The following NUCB2 variants were observed in gnomAD, a reference collection of about 807,000 sequenced individuals.
The protein encoded by NUCB2 is nucleobindin 2, also known as nucleobindin-2.
Under a neutral mutation model 57.9 loss-of-function variants are expected in NUCB2, and 48 were observed. That is an observed-to-expected ratio of 0.83 (90% confidence interval 0.66 to 1.05). NUCB2 has a LOEUF of 1.05. Among genes scored for constraint, NUCB2 ranks in the 50% least tolerant of loss-of-function variants. NUCB2 has a pLI of 0.00. For missense variants in NUCB2, 442 were observed against 476.2 expected, an observed-to-expected ratio of 0.93 and a Z score of 0.67; for synonymous variants, 139 against 152.1, an observed-to-expected ratio of 0.91 and a Z score of 0.64.
At chr11:17,344,305 G>A (rs1373602321) in intron 2 of NUCB2, among the ~76,000 whole-genome samples, 1 of 152,148 alleles carries the variant, frequency 6.6e-6, no homozygotes, top group Non-Finnish European at 1.5e-5. Context: ...AGTTAATACA[G>A]GAAGAAACAT....
chr11:17,301,616 ATAT>A (rs1008969375), intron 4 of NUCB2, 125 bp from the exon 5 acceptor site: 50 of 582,220 alleles, frequency 8.6e-5, no homozygotes, highest in South Asian at 4.4e-4. Context: ...TCTTTTTATA[ATAT>A]TAAATTTATC....
At chr11:17,292,609 CT>C (rs1565385757) in intron 2 of NUCB2, among the ~76,000 whole-genome samples, 1 of 152,146 alleles carries the variant, frequency 6.6e-6, no homozygotes, top group Non-Finnish European at 1.5e-5. Flanking sequence ...AGGGACCATA[CT>C]TTTGAGAACC....
At chr11:17,337,825 G>A (rs1951937371) in intron 2 of NUCB2, among the ~76,000 whole-genome samples, 1 of 152,000 alleles carries the variant, frequency 6.6e-6, no homozygotes, top group African/African-American at 2.4e-5. Flanking sequence ...AGTAGAGACG[G>A]GGTTTCACTA....
At chr11:17,343,303 T>C (rs1591644198) in intron 2 of NUCB2, among the ~76,000 whole-genome samples, 1 of 152,116 alleles carries the variant, frequency 6.6e-6, no homozygotes, top group East Asian at 1.9e-4. Context: ...GATTTAATGG[T>C]GAGAGAGAAA....
At position 17,288,963 on chromosome 11, in the gene NUCB2, A is replaced by ATTTTT. The variant is rs1555071216; in HGVS notation, c.-1+6028_-1+6032dup. ...CACACACACACACATATATATATAT[A>ATTTTT]TTTTTTTTTTTTGAGATGGAGTTTT... is the stretch of plus-strand genomic sequence containing the variant. On this transcript the variant is annotated intron_variant, in intron 2 of 13. Transcript: ENST00000529010. Among the ~76,000 whole-genome samples the ATTTTT allele has an allele frequency of 2.3e-3, 158 of 68,078 alleles. 15 individuals are homozygous for ATTTTT. The highest frequency in any genetic ancestry group is 6.8e-3 in the African/African-American group (99 of 14,498). The allele number at this position is 68,078 out of a possible 152,430, so 44.7% of individuals were successfully genotyped here. A position where few individuals can be genotyped will look rare whatever the true frequency, so the allele number is the denominator to read the frequency against.
chr11:17,292,326 T>A (rs947093544), intron 2 of NUCB2, among the ~76,000 whole-genome samples: 1 of 152,184 alleles, frequency 6.6e-6, no homozygotes, highest in Non-Finnish European at 1.5e-5. Flanking sequence ...TTTCCCACTT[T>A]CTATTTTTTA....
At chr11:17,320,403 C>T (rs920663323) in intron 11 of NUCB2, among the ~76,000 whole-genome samples, 1 of 152,188 alleles carries the variant, frequency 6.6e-6, no homozygotes, top group Non-Finnish European at 1.5e-5. Context: ...AGTGCAGTAG[C>T]TCATGCCTGT....
intron 2 of NUCB2, among the ~76,000 whole-genome samples, chr11:17,348,322 T>G (rs1164702520): frequency 0.35 from 3,934 of 11,234 alleles, 749 homozygotes; most frequent in African/African-American, 0.39. Flanking sequence ...TTTTTGTGTT[T>G]TTTTTTTTTT....
At chr11:17,337,327 G>A (rs975618593) in intron 1 of NUCB2, 1 of 152,178 alleles carries the variant, frequency 6.6e-6, no homozygotes, top group Admixed American at 6.5e-5. Flanking sequence ...TAGTGCATAA[G>A]TTTTCATCTT....
At chr11:17,345,073 T>C (rs1275356456) in intron 2 of NUCB2, among the ~76,000 whole-genome samples, 1 of 152,242 alleles carries the variant, frequency 6.6e-6, no homozygotes, top group Non-Finnish European at 1.5e-5. Flanking sequence ...CCAATTTGTA[T>C]AGCTTTTAAT....
rs1948183281 is a variant in NUCB2, at chr11:17,309,592, G to A, written c.400G>A (p.Ala134Thr). ...TTCAGATATAGGCATGGACCACCAA[G>A]CTCTTCTAAAACAATTTGATCACCT... ...SLQDIGMDHQ[A>T]LLKQFDHLNH... is the part of the protein sequence containing the mutation. The change falls in exon 6 of 14, where the codon GCT (alanine) becomes ACT (threonine). Residue 134 changes from alanine to threonine, a missense_variant. Coordinates refer to ENST00000529010, the MANE Select transcript of NUCB2 (RefSeq NM_005013.4). 3 of 1,595,486 alleles carry A rather than the reference G, an allele frequency of 1.9e-6. No homozygotes were observed. The highest frequency in any genetic ancestry group is 2.3e-5 in the East Asian group (1 of 43,708).
chr11:17,302,974 G>A (rs368712936), intron 5 of NUCB2, among the ~76,000 whole-genome samples: 1 of 151,882 alleles, frequency 6.6e-6, no homozygotes, highest in Non-Finnish European at 1.5e-5. Flanking sequence ...TCCTGACCTC[G>A]TGATCCACCC....
chr11:17,292,784 G>A (rs1945150163), intron 2 of NUCB2, among the ~76,000 whole-genome samples: 1 of 152,184 alleles, frequency 6.6e-6, no homozygotes, highest in African/African-American at 2.4e-5. Context: ...AAGAGTTGAT[G>A]CGTTAATATA....
intron 2 of NUCB2, among the ~76,000 whole-genome samples, chr11:17,344,513 T>C (rs925078273): frequency 6.6e-6 from 1 of 152,194 alleles, no homozygotes; most frequent in African/African-American, 2.4e-5. Context: ...TGCACCTTCT[T>C]AATCACTGGA....
At chr11:17,286,501 C>T (rs1031335135) in intron 2 of NUCB2, 7 of 152,198 alleles carry the variant, frequency 4.6e-5, no homozygotes, top group Non-Finnish European at 8.8e-5. Context: ...GTCAGTGCCT[C>T]CCATTCTGTC....
At chr11:17,313,984 G>T (rs1279001243) in intron 10 of NUCB2, among the ~76,000 whole-genome samples, 1 of 151,862 alleles carries the variant, frequency 6.6e-6, no homozygotes, top group Non-Finnish European at 1.5e-5. Flanking sequence ...TGAGTTCTAG[G>T]GTTGTATCTG....
At chr11:17,337,662 A>G (rs1951924765) in intron 2 of NUCB2, 1 of 151,970 alleles carries the variant, frequency 6.6e-6, no homozygotes, top group Admixed American at 6.6e-5. Flanking sequence ...TTTATTTTTG[A>G]TACAGAGTTT....
At chr11:17,281,113 G>A (rs896094587) in intron 1 of NUCB2, among the ~76,000 whole-genome samples, 5 of 151,936 alleles carry the variant, frequency 3.3e-5, no homozygotes, top group East Asian at 1.9e-4. Flanking sequence ...TTTTTGTGTC[G>A]TTAATTTTTA....
intron 11 of NUCB2, among the ~76,000 whole-genome samples, chr11:17,316,713 AG>A (rs1188018504): frequency 2.8e-4 from 42 of 152,364 alleles, no homozygotes; most frequent in African/African-American, 8.7e-4. Context: ...CAACTTGAAA[AG>A]AATAGTTGAG....
Sources: gnomAD v4.1 joint callset for allele counts (sites outside exome capture counted in the v4.1 genomes callset) on GRCh38, gnomAD v4.1.1 for gene constraint, MANE v1.5 for transcripts, NCBI Gene and HGNC (gene_info 2026-07-23, HGNC 2026-07-21) for gene names.